The following ANKFN1 variants were observed in gnomAD, a reference collection of about 807,000 sequenced individuals.
ANKFN1 encodes ankyrin repeat and fibronectin type III domain containing 1.
In ANKFN1, 74 loss-of-function variants were observed where a neutral mutation model predicts 108.7. The observed-to-expected ratio is 0.68, with a 90% confidence interval of 0.56 to 0.83. The LOEUF is 0.83. ANKFN1 is among the 40% of genes least tolerant of loss of function. The probability of loss-of-function intolerance (pLI) is 0.00; values close to 1 mark genes in which losing one functional copy is unlikely to be tolerated. For missense variants in ANKFN1, 1,505 were observed against 1,382.3 expected, an observed-to-expected ratio of 1.09 and a Z score of -1.41; for synonymous variants, 547 against 516.2, an observed-to-expected ratio of 1.06 and a Z score of -0.81.
At chr17:56,332,436 G>A (rs1482542605) in intron 4 of ANKFN1, among the ~76,000 whole-genome samples, 1 of 152,110 alleles carries the variant, frequency 6.6e-6, no homozygotes, top group African/African-American at 2.4e-5. Context: ...TTTAGGTCTA[G>A]GATGATCTAT....
upstream of ANKFN1, among the ~76,000 whole-genome samples, chr17:56,153,132 G>A (rs1419919949): frequency 6.6e-6 from 1 of 151,978 alleles, no homozygotes; most frequent in African/African-American, 2.4e-5. Flanking sequence ...TTCCCACCCT[G>A]TCTCCTTTCA....
intron 3 of ANKFN1, among the ~76,000 whole-genome samples, chr17:56,242,020 G>T (rs1025286594): frequency 1.6e-5 from 2 of 125,196 alleles, no homozygotes; most frequent in African/African-American, 5.2e-5. Flanking sequence ...AAAATGAACA[G>T]TTATTTATTT....
intron 8 of ANKFN1, among the ~76,000 whole-genome samples, chr17:56,396,129 C>A (rs1250709697): frequency 1.3e-5 from 2 of 152,164 alleles, no homozygotes; most frequent in Non-Finnish European, 2.9e-5. Flanking sequence ...CTCATCTACA[C>A]CCTACTGTTT....
chr17:56,280,733 C>A, intron 3 of ANKFN1, among the ~76,000 whole-genome samples: 1 of 151,900 alleles, frequency 6.6e-6, no homozygotes, highest in East Asian at 1.9e-4. Flanking sequence ...CAAATTGATT[C>A]CAAAATGTTA....
rs560273293 is a variant in ANKFN1, at chr17:56,217,002, A to G, written c.12+4323A>G. Among the ~76,000 whole-genome samples the G allele has an allele frequency of 2.0e-5, 3 of 152,360 alleles. No individual in the cohort carries two copies. The South Asian group carries it at 6.2e-4, about 32-fold the overall frequency. Reference sequence around the variant, plus strand: ...GATGACAATGGTGCAGTCAAAGCTTATAAGCTTAAACCCCACACTTAAAAT... The same window carrying G: ...GATGACAATGGTGCAGTCAAAGCTTGTAAGCTTAAACCCCACACTTAAAAT... On this transcript the variant is annotated intron_variant, in intron 2 of 20. Transcript: ENST00000682825.
chr17:56,083,509 A>G (rs1031817648), intron 4 of ANKFN1, among the ~76,000 whole-genome samples: 1 of 151,536 alleles, frequency 6.6e-6, no homozygotes, highest in Admixed American at 6.6e-5. Context: ...ATGAAAGCTC[A>G]AAGTCATTTC....
intron 2 of ANKFN1, among the ~76,000 whole-genome samples, chr17:56,213,377 G>C (rs75769743): frequency 0.02 from 3,038 of 152,186 alleles, 101 homozygotes; most frequent in African/African-American, 0.069. Flanking sequence ...TAGAAACATG[G>C]CCCACGCTGG....
At chr17:56,093,986 C>A (rs775927988) in intron 4 of ANKFN1, among the ~76,000 whole-genome samples, 1 of 151,328 alleles carries the variant, frequency 6.6e-6, no homozygotes, top group South Asian at 2.1e-4. Flanking sequence ...ATTATAATTT[C>A]TGTCCTTATA....
intron 3 of ANKFN1, among the ~76,000 whole-genome samples, chr17:56,281,142 G>C (rs1036142546): frequency 2.0e-5 from 3 of 152,114 alleles, no homozygotes; most frequent in African/African-American, 7.2e-5. Context: ...CATGAAAATG[G>C]ACTAATACAG....
chr17:56,469,479 G>A (rs1380375619), intron 15 of ANKFN1, among the ~76,000 whole-genome samples: 2 of 152,064 alleles, frequency 1.3e-5, no homozygotes, highest in Admixed American at 6.5e-5. Context: ...CAGGGGTGGT[G>A]GAGTGATGAC....
At chr17:56,076,601 T>C (rs1905184838) in intron 4 of ANKFN1, among the ~76,000 whole-genome samples, 1 of 152,234 alleles carries the variant, frequency 6.6e-6, no homozygotes, top group East Asian at 1.9e-4. Flanking sequence ...CCGCTTACTG[T>C]GTGCCCTTCA....
At chr17:56,363,160 G>T (rs2046569273) in intron 6 of ANKFN1, among the ~76,000 whole-genome samples, 1 of 152,080 alleles carries the variant, frequency 6.6e-6, no homozygotes, top group African/African-American at 2.4e-5. Flanking sequence ...GGAGGCACAG[G>T]TTGCAATGGG....
At chr17:56,215,370 A>G (rs1462444431) in intron 2 of ANKFN1, among the ~76,000 whole-genome samples, 2 of 152,128 alleles carry the variant, frequency 1.3e-5, no homozygotes, top group East Asian at 3.9e-4. Flanking sequence ...AATAGCACCT[A>G]CCCTACAGGG....
At chr17:56,138,618 T>G (rs907514774) in intron 4 of ANKFN1, among the ~76,000 whole-genome samples, 6 of 151,684 alleles carry the variant, frequency 4.0e-5, no homozygotes, top group Non-Finnish European at 7.4e-5. Context: ...CAAGCGATTC[T>G]CCTGTCTCAC....
At chr17:56,348,671 A>T (rs1331105854) in intron 4 of ANKFN1, among the ~76,000 whole-genome samples, 1 of 152,218 alleles carries the variant, frequency 6.6e-6, no homozygotes, top group East Asian at 1.9e-4. Context: ...ACTGATCATT[A>T]GATAAAATCC....
chr17:56,159,033 C>CA (rs57878541), intron 1 of ANKFN1, among the ~76,000 whole-genome samples: 10,603 of 70,616 alleles, frequency 0.15, 2,093 homozygotes, highest in African/African-American at 0.46. Flanking sequence ...TGGTCTAGGC[C>CA]AAAAAAAAAA....
At chr17:56,425,346 A>G (rs1192493451) in intron 8 of ANKFN1, among the ~76,000 whole-genome samples, 1 of 152,174 alleles carries the variant, frequency 6.6e-6, no homozygotes, top group Non-Finnish European at 1.5e-5. Flanking sequence ...ACCACATCTG[A>G]CATATATCAT....
At chr17:56,232,482 T>C (rs2143941291) in intron 3 of ANKFN1, among the ~76,000 whole-genome samples, 1 of 152,298 alleles carries the variant, frequency 6.6e-6, no homozygotes, top group Admixed American at 6.5e-5. Flanking sequence ...ATCTTTGCAC[T>C]TGGTTTTGAA....
intron 4 of ANKFN1, among the ~76,000 whole-genome samples, chr17:56,055,087 T>C (rs1294496634): frequency 2.0e-5 from 3 of 151,862 alleles, no homozygotes; most frequent in Non-Finnish European, 2.9e-5. Flanking sequence ...TTTCTTTGAT[T>C]CAGGGGGTGC....
Sources: allele counts gnomAD v4.1 joint callset (sites outside exome capture counted in the v4.1 genomes callset), GRCh38; gene constraint gnomAD v4.1.1; transcripts MANE v1.5; gene names NCBI Gene and HGNC (gene_info 2026-07-23, HGNC 2026-07-21).